STK38L: variants seen among roughly 807,000 people sequenced by gnomAD.
STK38L encodes the protein serine/threonine-protein kinase 38-like.
In STK38L, 28 loss-of-function variants were observed where a neutral mutation model predicts 59.7. The ratio of observed to expected loss-of-function variants is 0.47; its 90% CI spans 0.35 to 0.64. STK38L has a LOEUF of 0.64. Ranked by LOEUF, STK38L falls within the 30% of genes least tolerant of loss-of-function variation. The pLI is 0.01. For missense variants in STK38L, 314 were observed against 555.8 expected (o/e 0.56, Z 4.37); for synonymous variants, 162 against 176.8 (o/e 0.92, Z 0.66).
chr12:27,298,016 TCA>T (rs762802114), intron 2 of STK38L, 162 bp downstream of exon 2: 26 of 854,056 alleles, frequency 3.0e-5, no homozygotes, highest in Non-Finnish European at 4.0e-5. Context: ...TGTTTTATTT[TCA>T]CAGAGTAGTT....
At chr12:27,295,097 C>T (rs1319073071) in intron 1 of STK38L, among the ~76,000 whole-genome samples, 2 of 152,144 alleles carry the variant, frequency 1.3e-5, no homozygotes, top group Middle Eastern at 3.2e-3. Context: ...TTTAGCAATT[C>T]AGTAAGAGCA....
rs1163512377 is a variant in STK38L, at chr12:27,269,089, A to G, written c.-12+24757A>G. Among the ~76,000 whole-genome samples the G allele has an allele frequency of 8.5e-5, 13 of 152,276 alleles. No individual in the cohort carries two copies. The East Asian group carries it at 2.3e-3, about 27-fold the overall frequency. ...TAGGTTGCCTGTTCACTCTGATGGT[A>G]GTTTCTTTTGCAGTGCAGAAGCTCT... On this transcript the variant is annotated intron_variant, in intron 1 of 13. Coordinates refer to ENST00000389032, the MANE Select transcript of STK38L (RefSeq NM_015000.4).
In STK38L at chr12:27,323,031, A is replaced by G. The variant is rs1227268686; in HGVS notation, c.*576A>G. The G allele has an allele frequency of 6.6e-6, 1 of 152,204 alleles. No homozygotes were observed. Among genetic ancestry groups the G allele is most frequent in the Non-Finnish European group, 1.5e-5 (1 of 68,008 alleles). The allele number at this position is 152,204 out of a possible 1,614,324, so 9.4% of individuals were successfully genotyped here. A position where few individuals can be genotyped will look rare whatever the true frequency, so the allele number is the denominator to read the frequency against. On this transcript the variant is annotated 3_prime_UTR_variant, in exon 14 of 14. Transcript: ENST00000389032. Reference sequence around the variant, plus strand: ...AAGAAATTCACTGGTTCTTTACAAAATAGAATTTATCATCAAGTTATTACA... The same window carrying G: ...AAGAAATTCACTGGTTCTTTACAAAGTAGAATTTATCATCAAGTTATTACA...
At chr12:27,315,657 GATTTCCAT>G (rs1419238090) in intron 9 of STK38L, among the ~76,000 whole-genome samples, 2 of 152,162 alleles carry the variant, frequency 1.3e-5, no homozygotes, top group East Asian at 3.8e-4. Context: ...AATGCCTTGT[GATTTCCAT>G]TTTTCCATTT....
chr12:27,303,886 ACCAT>A (rs1944241493), intron 3 of STK38L, among the ~76,000 whole-genome samples: 1 of 152,196 alleles, frequency 6.6e-6, no homozygotes, highest in East Asian at 1.9e-4. Flanking sequence ...TTGATAGCAC[ACCAT>A]GGAAAGCTAG....
At chr12:27,294,710 CTT>C (rs35709589) in intron 1 of STK38L, among the ~76,000 whole-genome samples, 7 of 143,864 alleles carry the variant, frequency 4.9e-5, no homozygotes, top group Admixed American at 7.0e-5. Flanking sequence ...CTTCTTTGAC[CTT>C]TTTTTTTTTT....
intron 6 of STK38L, among the ~76,000 whole-genome samples, chr12:27,313,646 G>A (rs1207033846): frequency 1.3e-5 from 2 of 152,030 alleles, no homozygotes; most frequent in Non-Finnish European, 2.9e-5. Context: ...GCCTCCCAGA[G>A]TGTTGGGAAT....
chr12:27,274,891 C>T (rs968093431), intron 1 of STK38L, among the ~76,000 whole-genome samples: 10 of 152,174 alleles, frequency 6.6e-5, no homozygotes, highest in African/African-American at 2.4e-4. Context: ...GCTAACCCTG[C>T]CCCAGTTCAG....
chr12:27,284,518 A>G (rs1029365937), intron 1 of STK38L, among the ~76,000 whole-genome samples: 1 of 152,222 alleles, frequency 6.6e-6, no homozygotes, highest in African/African-American at 2.4e-5. Flanking sequence ...CTCTTGATGA[A>G]CTAAATTTGC....
intron 1 of STK38L, among the ~76,000 whole-genome samples, chr12:27,289,597 A>G (rs1044641684): frequency 2.0e-5 from 3 of 152,262 alleles, no homozygotes; most frequent in Non-Finnish European, 4.4e-5. Flanking sequence ...AGCAAAGACA[A>G]GGGTGTCTGT....
intron 1 of STK38L, among the ~76,000 whole-genome samples, chr12:27,281,797 G>A (rs1052486750): frequency 1.3e-5 from 2 of 152,124 alleles, no homozygotes; most frequent in Non-Finnish European, 2.9e-5. Flanking sequence ...CACTTTGGGA[G>A]GCCGAGACGG....
rs1305078639 is a variant in STK38L, at chr12:27,308,928, A to T, written c.310-186A>T. On this transcript the variant is annotated intron_variant, in intron 4 of 13. Coordinates refer to ENST00000389032, the MANE Select transcript of STK38L (RefSeq NM_015000.4). This position sits in a 1 kb window ranked among gnomAD's most constrained non-coding sequence, Gnocchi z 4.5. Reference sequence around the variant, plus strand: ...TATATAAATATATATTAATATATATAAAATATATATAAATATATATATAAC... The same window carrying T: ...TATATAAATATATATTAATATATATTAAATATATATAAATATATATATAAC... Among the ~76,000 whole-genome samples the T allele has an allele frequency of 1.4e-5, 2 of 145,830 alleles. No homozygotes were observed. Among genetic ancestry groups the T allele is most frequent in the African/African-American group, 5.0e-5 (2 of 40,354 alleles).
At chr12:27,263,404 C>CATGA (rs148396584) in intron 1 of STK38L, among the ~76,000 whole-genome samples, 7,461 of 152,168 alleles carry the variant, frequency 0.049, 552 homozygotes, top group East Asian at 0.39. Flanking sequence ...AGAACTCTTT[C>CATGA]AAAAGACCTC....
At chr12:27,293,638 G>C (rs1456524645) in intron 1 of STK38L, 1 of 151,472 alleles carries the variant, frequency 6.6e-6, no homozygotes, top group South Asian at 2.1e-4. Context: ...AGGGCAGCCT[G>C]CTCGACAAGG....
Position 27,297,716 on chromosome 12 carries a change from T to A in STK38L, c.-5T>A. 2 of 1,607,684 alleles carry A rather than the reference T, an allele frequency of 1.2e-6. No homozygotes were observed. The highest frequency in any genetic ancestry group is 2.2e-5 in the South Asian group (2 of 89,854). On this transcript the variant is annotated 5_prime_UTR_variant, in exon 2 of 14. Transcript: ENST00000389032. ...TTTTTCTATGTTGTTTCAGTTTCCGTTACTATGGCAATGACGGCAGGGACT... is the reference window on the plus strand; with the variant it reads ...TTTTTCTATGTTGTTTCAGTTTCCGATACTATGGCAATGACGGCAGGGACT...
chr12:27,271,447 C>T (rs1943420932), intron 1 of STK38L, among the ~76,000 whole-genome samples: 1 of 152,118 alleles, frequency 6.6e-6, no homozygotes, highest in South Asian at 2.1e-4. Flanking sequence ...AGTTTTGGTT[C>T]CTCATGAGTG....
At chr12:27,300,602 G>A (rs749069047) in intron 2 of STK38L, 4 of 456,068 alleles carry the variant, frequency 8.8e-6, no homozygotes, top group South Asian at 4.6e-5. Flanking sequence ...GTGCCTAGGG[G>A]TAGGTGATGG....
intron 2 of STK38L, chr12:27,298,266 CA>C (rs1944077066): frequency 6.5e-6 from 1 of 154,660 alleles, no homozygotes; most frequent in African/African-American, 2.4e-5. Flanking sequence ...GGTGAAACCC[CA>C]TCTCTACTGA....
At chr12:27,288,694 T>G (rs1943832313) in intron 1 of STK38L, among the ~76,000 whole-genome samples, 2 of 151,506 alleles carry the variant, frequency 1.3e-5, no homozygotes, top group Non-Finnish European at 2.9e-5. Flanking sequence ...ATGAATAACA[T>G]AAAGATATAT....
Sources: gnomAD v4.1 joint callset for allele counts (sites outside exome capture counted in the v4.1 genomes callset) on GRCh38, gnomAD v4.1.1 for gene constraint, Gnocchi (gnomAD v3.1) non-coding constraint, MANE v1.5 for transcripts, NCBI Gene and HGNC (gene_info 2026-07-23, HGNC 2026-07-21) for gene names.